GRK5: variants seen among roughly 807,000 people sequenced by gnomAD.
The protein encoded by GRK5 is g protein-coupled receptor kinase GRK5.
Under a neutral mutation model 78.4 loss-of-function variants are expected in GRK5, and 40 were observed. The observed-to-expected ratio is 0.51, with a 90% CI of 0.40 to 0.66. GRK5 has a LOEUF of 0.66. GRK5 is among the 30% of genes least tolerant of loss of function. The pLI is 0.00. For synonymous variants in GRK5, 289 were observed against 296.8 expected (o/e 0.97, Z 0.27); for missense variants, 598 against 759.9 (o/e 0.79, Z 2.50).
chr10:119,408,072 A>T (rs1016388797), intron 4 of GRK5, among the ~76,000 whole-genome samples: 6 of 150,858 alleles, frequency 4.0e-5, no homozygotes, highest in Admixed American at 2.7e-4. Flanking sequence ...GTGAAGCAGG[A>T]GAATCGCTCG....
chr10:119,441,746 C>T (rs1049416680), intron 10 of GRK5, among the ~76,000 whole-genome samples: 2 of 152,220 alleles, frequency 1.3e-5, no homozygotes, highest in Non-Finnish European at 2.9e-5. Flanking sequence ...GGTCGGTCAA[C>T]GTCCAGCCGG....
chr10:119,362,466 T>C (rs977138254), intron 2 of GRK5, among the ~76,000 whole-genome samples: 6 of 152,266 alleles, frequency 3.9e-5, no homozygotes, highest in Admixed American at 3.3e-4. Flanking sequence ...GTTTGTTTTA[T>C]GTAATAGACA....
intron 4 of GRK5, 143 bp downstream of exon 4, chr10:119,396,915 C>A: frequency 2.8e-6 from 2 of 716,760 alleles, no homozygotes; most frequent in Non-Finnish European, 4.9e-6. Flanking sequence ...ATCACAGTTC[C>A]CATCCTCCCC....
intron 8 of GRK5, among the ~76,000 whole-genome samples, chr10:119,436,187 C>T (rs575123717): frequency 1.8e-4 from 27 of 152,220 alleles, no homozygotes; most frequent in Non-Finnish European, 1.8e-4. Flanking sequence ...AAGAGAAAGC[C>T]TTTACCAGGC....
intron 1 of GRK5, among the ~76,000 whole-genome samples, chr10:119,228,622 G>C (rs1848779594): frequency 6.6e-6 from 1 of 151,962 alleles, no homozygotes; most frequent in Non-Finnish European, 1.5e-5. Flanking sequence ...CCATGTCTCT[G>C]AGAAAAAAAG....
intron 1 of GRK5, among the ~76,000 whole-genome samples, chr10:119,319,211 C>T (rs1478033277): frequency 2.6e-5 from 4 of 152,140 alleles, no homozygotes; most frequent in South Asian, 2.1e-4. Context: ...AGCTGGCAGC[C>T]GAGGGGGCCC....
intron 8 of GRK5, among the ~76,000 whole-genome samples, chr10:119,434,295 A>C (rs1337863075): frequency 6.6e-6 from 1 of 152,092 alleles, no homozygotes; most frequent in Non-Finnish European, 1.5e-5. Context: ...GTCCCCCAAA[A>C]TCTTAACTCA....
At chr10:119,218,630 G>A (rs1250982434) in intron 1 of GRK5, among the ~76,000 whole-genome samples, 1 of 152,160 alleles carries the variant, frequency 6.6e-6, no homozygotes, top group East Asian at 1.9e-4. Flanking sequence ...GGAACTCCTA[G>A]CTCTAGGAAG....
At chr10:119,327,608 A>G (rs960960314) in intron 2 of GRK5, among the ~76,000 whole-genome samples, 1 of 152,186 alleles carries the variant, frequency 6.6e-6, no homozygotes, top group Admixed American at 6.5e-5. Flanking sequence ...TCAAGGCCAC[A>G]TGTAGCCATT....
chr10:119,430,506 A>AG lies in GRK5; in HGVS notation c.597+68_597+69insG. Reference sequence around the variant, plus strand: ...AAGTCACCTTTCCTGTCCCTTCTAAATCAACCTAAAGGGTTGGCCCACGGG... The same window carrying AG: ...AAGTCACCTTTCCTGTCCCTTCTAAAGTCAACCTAAAGGGTTGGCCCACGGG... On this transcript the variant is annotated intron_variant, in intron 7 of 15. Transcript: ENST00000392870. The surrounding 1 kb of genome is among the most constrained non-coding windows in gnomAD (Gnocchi z 4.5). The AG allele has an allele frequency of 6.8e-7, 1 of 1,467,170 alleles. No individual in the cohort carries two copies. Among genetic ancestry groups the AG allele is most frequent in the Non-Finnish European group, 9.5e-7 (1 of 1,055,498 alleles). 90.9% of individuals were successfully genotyped at this position (1,467,170 alleles called of 1,614,324 possible).
chr10:119,348,333 A>G (rs1402640988), intron 2 of GRK5, among the ~76,000 whole-genome samples: 1 of 152,180 alleles, frequency 6.6e-6, no homozygotes, highest in Non-Finnish European at 1.5e-5. Context: ...TTTGTCTTTT[A>G]TGGAACAATT....
intron 4 of GRK5, among the ~76,000 whole-genome samples, chr10:119,409,842 G>A (rs936843305): frequency 6.6e-6 from 1 of 152,146 alleles, no homozygotes; most frequent in African/African-American, 2.4e-5. Flanking sequence ...CCCTGCCCTC[G>A]CCTATCACGC....
chr10:119,394,363 T>C, intron 3 of GRK5, among the ~76,000 whole-genome samples: 1 of 109,580 alleles, frequency 9.1e-6, no homozygotes. Context: ...GGTGTGTGGG[T>C]GTGTGTGGGT....
intron 2 of GRK5, among the ~76,000 whole-genome samples, chr10:119,344,221 G>C (rs1283970492): frequency 6.6e-6 from 1 of 151,428 alleles, no homozygotes; most frequent in Non-Finnish European, 1.5e-5. Context: ...GGGTACATGT[G>C]CACAACGTGT....
chr10:119,331,234 G>A (rs1302021940), intron 2 of GRK5, among the ~76,000 whole-genome samples: 1 of 152,244 alleles, frequency 6.6e-6, no homozygotes, highest in Admixed American at 6.5e-5. Flanking sequence ...CGTGCGTGCT[G>A]GCGTGTGGAA....
chr10:119,452,817 G>T lies in GRK5; in HGVS notation c.1542+9G>T. The T allele has an allele frequency of 1.9e-6, 3 of 1,611,256 alleles. No individual in the cohort carries two copies. The highest frequency in any genetic ancestry group is 2.2e-5 in the East Asian group (1 of 44,832). ...TCCCATGGCAAAACGAGGTGAGCAG[G>T]GCAGACCACTTGCTTTGGTCTGGGT... is the stretch of plus-strand genomic sequence containing the variant. On this transcript the variant is annotated intron_variant, in intron 14 of 15. Transcript: ENST00000392870. This position sits in a 1 kb window ranked among gnomAD's most constrained non-coding sequence, Gnocchi z 4.4.
At chr10:119,397,806 C>T (rs561275065) in intron 4 of GRK5, among the ~76,000 whole-genome samples, 7 of 152,364 alleles carry the variant, frequency 4.6e-5, no homozygotes, top group East Asian at 1.9e-4. Flanking sequence ...ACCAGCCTCA[C>T]GCCCAGAAGT....
chr10:119,297,732 C>T (rs539713091), intron 1 of GRK5, among the ~76,000 whole-genome samples: 62 of 152,318 alleles, frequency 4.1e-4, no homozygotes, highest in South Asian at 1.0e-3. Context: ...AGTGATGTAG[C>T]GCGAAGGCCC....
chr10:119,397,823 C>T (rs988798953), intron 4 of GRK5, among the ~76,000 whole-genome samples: 2 of 152,248 alleles, frequency 1.3e-5, no homozygotes, highest in Non-Finnish European at 2.9e-5. Flanking sequence ...AAGTGTTGCC[C>T]TTTGTCACGC....
Sources: allele counts gnomAD v4.1 joint callset (sites outside exome capture counted in the v4.1 genomes callset), GRCh38; gene constraint gnomAD v4.1.1; non-coding constraint Gnocchi (gnomAD v3.1); transcripts MANE v1.5; gene names NCBI Gene and HGNC (gene_info 2026-07-23, HGNC 2026-07-21).